The following ZC3H12B variants were observed in gnomAD, a reference collection of about 807,000 sequenced individuals.
ZC3H12B encodes the protein probable ribonuclease ZC3H12B.
ZC3H12B carries 7 observed loss-of-function variants against 43.9 expected under a neutral mutation model. The ratio of observed to expected loss-of-function variants is 0.16; its 90% CI spans 0.09 to 0.30. ZC3H12B has a LOEUF of 0.30. Among genes scored for constraint, ZC3H12B ranks in the 10% least tolerant of loss-of-function variants. The pLI is 1.00. For missense variants in ZC3H12B, 475 were observed against 670.2 expected, an observed-to-expected ratio of 0.71 and a Z score of 3.22; for synonymous variants, 222 against 241.7, an observed-to-expected ratio of 0.92 and a Z score of 0.76.
At chrX:65,489,119 G>A in exon 1 of ZC3H12B, 1 of 1,211,866 alleles carries the variant, frequency 8.3e-7, no homozygotes, top group South Asian at 1.8e-5. Flanking sequence ...ACTTGGAGAA[G>A]GAATACCAAG....
the ZC3H12B span, among the ~76,000 whole-genome samples, chrX:65,268,050 CAAAT>C: frequency 1.8e-5 from 2 of 109,911 alleles, no homozygotes; most frequent in Non-Finnish European, 3.8e-5. Flanking sequence ...ACATGAGACT[CAAAT>C]AAATAAAACC....
At chrX:65,279,507 G>A in the ZC3H12B span, among the ~76,000 whole-genome samples, 1 of 110,851 alleles carries the variant, frequency 9.0e-6, no homozygotes, top group Admixed American at 9.6e-5. Flanking sequence ...TGGGATAACT[G>A]GCTAGCCATA....
chrX:65,119,508 G>T, the ZC3H12B span, among the ~76,000 whole-genome samples: 1 of 111,181 alleles, frequency 9.0e-6, no homozygotes, highest in African/African-American at 3.3e-5. Flanking sequence ...TTTTTTTCTT[G>T]TAAATTTGTT....
At chrX:65,112,621 T>G in the ZC3H12B span, among the ~76,000 whole-genome samples, 1 of 111,751 alleles carries the variant, frequency 8.9e-6, no homozygotes, top group South Asian at 3.7e-4. Flanking sequence ...CTACTAAGTC[T>G]AAGCTCTATA....
chrX:65,486,062 T>G (rs2068120392), upstream of ZC3H12B, among the ~76,000 whole-genome samples: 1 of 112,156 alleles, frequency 8.9e-6, no homozygotes, highest in African/African-American at 3.2e-5. Flanking sequence ...CTTCTTGAAT[T>G]CTTTCCTAAT....
chrX:65,048,431 G>A, the ZC3H12B span, among the ~76,000 whole-genome samples: 1 of 111,175 alleles, frequency 9.0e-6, no homozygotes, highest in Admixed American at 9.6e-5. Context: ...TAAATACTTA[G>A]CAGTGGGGTT....
chrX:65,350,537 G>T, the ZC3H12B span, among the ~76,000 whole-genome samples: 3 of 111,749 alleles, frequency 2.7e-5, no homozygotes, highest in Non-Finnish European at 5.6e-5. Context: ...AAGTCAAATT[G>T]TCTCTGTTTG....
chrX:65,114,903 G>A, the ZC3H12B span, among the ~76,000 whole-genome samples: 3 of 48,632 alleles, frequency 6.2e-5, no homozygotes, highest in African/African-American at 2.4e-4. Flanking sequence ...CACTGCGTTA[G>A]TTGTGTCTCA....
chrX:65,127,965 A>T, the ZC3H12B span, among the ~76,000 whole-genome samples: 1 of 111,855 alleles, frequency 8.9e-6, no homozygotes, highest in Non-Finnish European at 1.9e-5. Flanking sequence ...CCTCGTTGAA[A>T]AAGCAAGCAG....
chrX:65,163,338 C>T, the ZC3H12B span, among the ~76,000 whole-genome samples: 2 of 111,581 alleles, frequency 1.8e-5, no homozygotes, highest in Admixed American at 9.5e-5. Context: ...GAGGTTACTG[C>T]TGTCTTTTTG....
At chrX:65,279,964 T>C in the ZC3H12B span, among the ~76,000 whole-genome samples, 2 of 112,478 alleles carry the variant, frequency 1.8e-5, no homozygotes, top group African/African-American at 6.4e-5. Context: ...TGCTGAATTC[T>C]ACCAAACACT....
At chrX:65,192,769 CAGATAGAT>C in the ZC3H12B span, among the ~76,000 whole-genome samples, 80 of 104,407 alleles carry the variant, frequency 7.7e-4, no homozygotes, top group East Asian at 9.0e-4. Flanking sequence ...GGGATTTTCC[CAGATAGAT>C]AGATAGATAG....
intron 3 of ZC3H12B, among the ~76,000 whole-genome samples, chrX:65,445,653 G>C (rs1300205354): frequency 2.7e-5 from 3 of 112,049 alleles, no homozygotes; most frequent in Non-Finnish European, 5.6e-5. Flanking sequence ...CTATTGTCTG[G>C]CTACCACTGA....
intron 3 of ZC3H12B, among the ~76,000 whole-genome samples, chrX:65,413,724 C>A (rs1342392354): frequency 1.8e-5 from 2 of 111,771 alleles, no homozygotes; most frequent in Non-Finnish European, 3.8e-5. Flanking sequence ...AGTCCTCCAA[C>A]TTTTTTCTTA....
the ZC3H12B span, among the ~76,000 whole-genome samples, chrX:65,309,031 A>T: frequency 8.9e-6 from 1 of 111,750 alleles, no homozygotes; most frequent in African/African-American, 3.3e-5. Context: ...CCACAAGAGA[A>T]AGCAGGAAAG....
the ZC3H12B span, among the ~76,000 whole-genome samples, chrX:65,329,777 G>C: frequency 9.0e-6 from 1 of 111,529 alleles, no homozygotes; most frequent in Non-Finnish European, 1.9e-5. Context: ...TGGCTAGCCA[G>C]TTTTCCCAGC....
intron 3 of ZC3H12B, among the ~76,000 whole-genome samples, chrX:65,399,397 G>A (rs913056918): frequency 1.9e-4 from 21 of 111,921 alleles, no homozygotes; most frequent in Non-Finnish European, 2.3e-4. Context: ...TCTCAAAAGA[G>A]GACATACACA....
chrX:65,184,394 G>T, the ZC3H12B span, among the ~76,000 whole-genome samples: 17 of 111,080 alleles, frequency 1.5e-4, no homozygotes, highest in East Asian at 4.8e-3. Context: ...ACATTGCTGT[G>T]GGTTTCACAG....
rs1569396749 is a variant in ZC3H12B at position 65,406,565 on chromosome X, A to AGCGGGGCTGGGCGGGGCTGG, written n.407+7861_407+7862insGCGGGGCTGGGCGGGGCTGG. 8.2e-4 allele frequency among the ~76,000 whole-genome samples: 40 copies of AGCGGGGCTGGGCGGGGCTGG among 48,621 alleles called. 2 individuals are homozygous for AGCGGGGCTGGGCGGGGCTGG. Among genetic ancestry groups the AGCGGGGCTGGGCGGGGCTGG allele is most frequent in the East Asian group, 1.3e-3 (2 of 1,581 alleles). The allele number at this position is 48,621 out of a possible 115,157, so 42.2% of individuals were successfully genotyped here. On this transcript the variant is annotated intron_variant and non_coding_transcript_variant, in intron 3 of 5. Transcript: ENST00000617377. ...AGCGTCCCCCGCCCGATCGGGGCTG[A>AGCGGGGCTGGGCGGGGCTGG]ACGGGGCTGGGCGGGGCTGGGCGGG... is the stretch of plus-strand genomic sequence containing the variant.
Sources: allele counts gnomAD v4.1 joint callset (sites outside exome capture counted in the v4.1 genomes callset), GRCh38; gene constraint gnomAD v4.1.1; transcripts MANE v1.5; gene names NCBI Gene and HGNC (gene_info 2026-07-23, HGNC 2026-07-21).